Variants in PTK7 observed in about 807,000 individuals in gnomAD.
PTK7 encodes the protein inactive tyrosine-protein kinase 7.
A neutral mutation model predicts 116.6 loss-of-function variants in PTK7; 39 were observed. The ratio of observed to expected loss-of-function variants is 0.33; its 90% CI spans 0.26 to 0.44. PTK7 has a LOEUF of 0.44. Ranked by LOEUF, PTK7 falls within the 20% of genes least tolerant of loss-of-function variation. PTK7 has a pLI of 1.00. For synonymous variants in PTK7, 546 were observed against 563.6 expected (o/e 0.97, Z 0.44); for missense variants, 1,169 against 1,425.6 (o/e 0.82, Z 2.90).
intron 1 of PTK7, among the ~76,000 whole-genome samples, chr6:43,084,035 A>C (rs999677758): frequency 6.6e-6 from 1 of 152,200 alleles, no homozygotes. Flanking sequence ...GAGAGGCCAG[A>C]AAATGCATTT....
chr6:43,155,756 C>T (rs1036449233), intron 17 of PTK7, among the ~76,000 whole-genome samples: 3 of 152,060 alleles, frequency 2.0e-5, no homozygotes, highest in Non-Finnish European at 2.9e-5. Flanking sequence ...TGAAAAATCT[C>T]CCCAACTCTT....
intron 1 of PTK7, among the ~76,000 whole-genome samples, chr6:43,085,604 A>C (rs1244716613): frequency 6.6e-6 from 1 of 152,002 alleles, no homozygotes; most frequent in East Asian, 1.9e-4. Context: ...CCAAAGGCTC[A>C]ACAAAGTCCC....
In PTK7 at chr6:43,159,936, G is replaced by C. The variant is rs1335196576; in HGVS notation, c.3022G>C (p.Gly1008Arg). The C allele has an allele frequency of 5.6e-6, 9 of 1,614,102 alleles. No homozygotes were observed. Among genetic ancestry groups the C allele is most frequent in the Non-Finnish European group, 6.8e-6 (8 of 1,179,968 alleles). The change falls in exon 19 of 20, where the codon GGT becomes CGT. Residue 1008 changes from glycine (G) to arginine (R), a missense_variant. By Grantham distance (125) the Gly-to-Arg change is moderately radical (BLOSUM62 -2). Coordinates refer to ENST00000230419, the MANE Select transcript of PTK7 (RefSeq NM_002821.5). ...EVFTHGEMPHGGQADDEVLAD... is the reference protein window; with the variant it reads ...EVFTHGEMPHRGQADDEVLAD... Reference sequence around the variant, plus strand: ...GTTTACACATGGAGAGATGCCCCATGGTGGGCAGGCAGATGATGAAGTACT... The same window carrying C: ...GTTTACACATGGAGAGATGCCCCATCGTGGGCAGGCAGATGATGAAGTACT...
chr6:43,161,022 G>T lies in PTK7; in HGVS notation c.*141G>T. 1 of 1,215,404 alleles carries T rather than the reference G, an allele frequency of 8.2e-7. No individual in the cohort carries two copies. The highest frequency in any genetic ancestry group is 1.1e-6 in the Non-Finnish European group (1 of 898,932). The allele number at this position is 1,215,404 out of a possible 1,614,324, so 75.3% of individuals were successfully genotyped here. A position where few individuals can be genotyped will look rare whatever the true frequency, so the allele number is the denominator to read the frequency against. ...ACAGGCATTGCTGAGGTCTGAGCAGGGCCTGGCCTTTCCTCCTCTTCCTCA... is the reference window on the plus strand; with the variant it reads ...ACAGGCATTGCTGAGGTCTGAGCAGTGCCTGGCCTTTCCTCCTCTTCCTCA... On this transcript the variant is annotated 3_prime_UTR_variant, in exon 20 of 20. Coordinates refer to ENST00000230419, the MANE Select transcript of PTK7 (RefSeq NM_002821.5).
intron 17 of PTK7, among the ~76,000 whole-genome samples, chr6:43,149,814 A>AT (rs1389443584): frequency 6.6e-6 from 1 of 151,920 alleles, no homozygotes; most frequent in Admixed American, 6.6e-5. Context: ...CTTTTTATTT[A>AT]TTTTTATTTT....
intron 17 of PTK7, among the ~76,000 whole-genome samples, chr6:43,150,266 C>A (rs1166573096): frequency 6.6e-6 from 1 of 152,120 alleles, no homozygotes; most frequent in African/African-American, 2.4e-5. Flanking sequence ...CATGGGCAAA[C>A]CCCTGGGGTG....
intron 1 of PTK7, among the ~76,000 whole-genome samples, chr6:43,112,988 A>G (rs1248516459): frequency 6.6e-6 from 1 of 152,066 alleles, no homozygotes; most frequent in East Asian, 1.9e-4. Flanking sequence ...GCCACTGCAC[A>G]CAGCTAATTT....
At chr6:43,077,094 T>A in intron 1 of PTK7, 2 of 1,217,296 alleles carry the variant, frequency 1.6e-6, no homozygotes, top group Non-Finnish European at 2.1e-6. Context: ...CTCCTCCGAG[T>A]TCCTGGGCAA....
chr6:43,155,585 G>A (rs1421229028), intron 17 of PTK7, among the ~76,000 whole-genome samples: 2 of 151,474 alleles, frequency 1.3e-5, no homozygotes, highest in African/African-American at 4.9e-5. Flanking sequence ...CGGAGTGGAG[G>A]TTGCAGTGAG....
Position 43,082,092 on chromosome 6 carries a change from A to G in PTK7, c.79+5525A>G, listed in dbSNP as rs370098255. Among the ~76,000 whole-genome samples the G allele has an allele frequency of 7.9e-5, 12 of 152,318 alleles. No individual in the cohort carries two copies. The South Asian group carries it at 1.4e-3, about 18-fold the overall frequency. On this transcript the variant is annotated intron_variant, in intron 1 of 19. Coordinates refer to ENST00000230419, the MANE Select transcript of PTK7 (RefSeq NM_002821.5). Reference sequence around the variant, plus strand: ...AACTGGGTAGGGGCCTAGAGTATCTATAACTGTGCTACTTGAAGAAAGACC... The same window carrying G: ...AACTGGGTAGGGGCCTAGAGTATCTGTAACTGTGCTACTTGAAGAAAGACC...
At chr6:43,122,582 A>G (rs935879672) in intron 1 of PTK7, among the ~76,000 whole-genome samples, 18 of 150,032 alleles carry the variant, frequency 1.2e-4, no homozygotes, top group Admixed American at 1.2e-3. Context: ...ACAGGGACCC[A>G]GGCCGTGGAG....
intron 17 of PTK7, 63 bp downstream of exon 17, chr6:43,146,761 G>A: frequency 1.4e-6 from 2 of 1,459,084 alleles, no homozygotes; most frequent in Non-Finnish European, 1.9e-6. Context: ...GAGCAACAGA[G>A]GCACCATTTA....
Position 43,143,254 on chromosome 6 carries a change from G to A in PTK7, c.2048-163G>A. ...TTCAGAGTCTTCGTTTGACCTTGGT[G>A]GGGCATGAGGACCTGCTGGCCCTTG... On this transcript the variant is annotated intron_variant, in intron 13 of 19. Coordinates refer to ENST00000230419, the MANE Select transcript of PTK7 (RefSeq NM_002821.5). The surrounding 1 kb of genome is among the most constrained non-coding windows in gnomAD (Gnocchi z 4.2). The A allele has an allele frequency of 3.1e-6, 2 of 643,218 alleles. No individual in the cohort carries two copies. The highest frequency in any genetic ancestry group is 5.3e-6 in the Non-Finnish European group (2 of 375,414). 39.8% of individuals were successfully genotyped at this position (643,218 alleles called of 1,614,324 possible).
chr6:43,076,401 C>T lies in PTK7; in HGVS notation c.-88C>T, dbSNP rs1561924940. On this transcript the variant is annotated 5_prime_UTR_variant, in exon 1 of 20. Transcript: ENST00000230419. This position sits in a 1 kb window ranked among gnomAD's most constrained non-coding sequence, Gnocchi z 5.7. ...CGGCTGCTGCTGCGGCGCCCGCGCT[C>T]CGGTGCGCTCCGCCTCCTGTGCCCG... The T allele has an allele frequency of 1.8e-6, 2 of 1,090,728 alleles. No homozygotes were observed. Among genetic ancestry groups the T allele is most frequent in the South Asian group, 2.3e-5 (1 of 42,754 alleles). 67.6% of individuals were successfully genotyped at this position (1,090,728 alleles called of 1,614,324 possible).
chr6:43,080,484 G>C (rs890312128), intron 1 of PTK7, among the ~76,000 whole-genome samples: 3 of 152,072 alleles, frequency 2.0e-5, no homozygotes, highest in Non-Finnish European at 4.4e-5. Flanking sequence ...TCTTCCCCCA[G>C]TGTTTTTGAT....
chr6:43,136,004 G>A (rs182178271), intron 7 of PTK7, among the ~76,000 whole-genome samples: 3 of 152,192 alleles, frequency 2.0e-5, no homozygotes, highest in African/African-American at 7.2e-5. Context: ...CCTGACCAAC[G>A]TGCTGAAACC....
intron 7 of PTK7, among the ~76,000 whole-genome samples, chr6:43,134,976 C>G (rs114413354): frequency 1.0e-3 from 152 of 151,996 alleles, no homozygotes; most frequent in African/African-American, 3.4e-3. Flanking sequence ...ATTGCTGGAG[C>G]CTTGAAAAAA....
At chr6:43,127,038 T>G (rs1490189331) in intron 1 of PTK7, among the ~76,000 whole-genome samples, 1 of 152,174 alleles carries the variant, frequency 6.6e-6, no homozygotes, top group Non-Finnish European at 1.5e-5. Flanking sequence ...ATCCTGGAAT[T>G]GTCTTGACAC....
chr6:43,142,498 G>C (rs188582590), intron 13 of PTK7, 199 bp downstream of exon 13: 10,084 of 850,646 alleles, frequency 0.012, 97 homozygotes, highest in Middle Eastern at 0.016. Flanking sequence ...AACATCCAAC[G>C]GTCGGTGTGT....
Sources: gnomAD v4.1 joint callset for allele counts (sites outside exome capture counted in the v4.1 genomes callset) on GRCh38, gnomAD v4.1.1 for gene constraint, Gnocchi (gnomAD v3.1) non-coding constraint, MANE v1.5 for transcripts, NCBI Gene and HGNC (gene_info 2026-07-23, HGNC 2026-07-21) for gene names.